KCTD16: variants seen among roughly 807,000 people sequenced by gnomAD.
KCTD16 encodes the protein BTB/POZ domain-containing protein KCTD16.
KCTD16 carries 13 observed loss-of-function variants against 33.2 expected under a neutral mutation model. The ratio of observed to expected loss-of-function variants is 0.39; its 90% CI spans 0.25 to 0.62. The LOEUF is 0.62. Ranked by LOEUF, KCTD16 falls within the 20% of genes least tolerant of loss-of-function variation. The pLI, the probability that KCTD16 is intolerant of heterozygous loss-of-function variation, is 0.50. For missense variants in KCTD16, 441 were observed against 525.1 expected (o/e 0.84, Z 1.57); for synonymous variants, 197 against 195.3 (o/e 1.01, Z -0.07).
At chr5:144,313,525 A>G (rs1045814206) in intron 3 of KCTD16, among the ~76,000 whole-genome samples, 3 of 152,188 alleles carry the variant, frequency 2.0e-5, no homozygotes, top group African/African-American at 7.2e-5. Context: ...TAGAGTTTAG[A>G]AAGTGCAGCT....
chr5:144,313,551 CTG>C (rs764728677), intron 3 of KCTD16, among the ~76,000 whole-genome samples: 4 of 152,142 alleles, frequency 2.6e-5, no homozygotes, highest in Non-Finnish European at 5.9e-5. Context: ...TTTTTTAAAA[CTG>C]TGAGAACAGA....
chr5:144,467,031 A>G (rs1433379076), intron 3 of KCTD16, among the ~76,000 whole-genome samples: 2 of 126,004 alleles, frequency 1.6e-5, no homozygotes, highest in South Asian at 2.2e-4. Flanking sequence ...ATAACACTAT[A>G]TATTATATAT....
intron 3 of KCTD16, among the ~76,000 whole-genome samples, chr5:144,385,554 C>G (rs1234467047): frequency 1.3e-5 from 2 of 152,112 alleles, no homozygotes; most frequent in Non-Finnish European, 2.9e-5. Flanking sequence ...GCTTCATTGT[C>G]ACTCCATTAC....
intron 3 of KCTD16, among the ~76,000 whole-genome samples, chr5:144,305,047 C>T (rs1422767441): frequency 7.3e-6 from 1 of 137,048 alleles, no homozygotes; most frequent in Non-Finnish European, 1.5e-5. Flanking sequence ...AGTCTCCTGG[C>T]TGCCTACTCT....
chr5:144,387,138 AT>A (rs377558036), intron 3 of KCTD16, among the ~76,000 whole-genome samples: 5,211 of 116,050 alleles, frequency 0.045, 248 homozygotes, highest in African/African-American at 0.16. Context: ...GGCTAATTTA[AT>A]TTTTTTTTTT....
chr5:144,245,522 T>C, intron 3 of KCTD16, among the ~76,000 whole-genome samples: 1 of 151,994 alleles, frequency 6.6e-6, no homozygotes, highest in East Asian at 1.9e-4. Flanking sequence ...GGGTCCAGAA[T>C]GGGAGGAAAG....
chr5:144,299,063 TA>T lies in KCTD16; in HGVS notation c.832+91518del, dbSNP rs1561558176. Among the ~76,000 whole-genome samples, 21 of 90,526 alleles carry T rather than the reference TA, an allele frequency of 2.3e-4. 1 individual carries two copies. Among genetic ancestry groups the T allele is most frequent in the African/African-American group, 9.2e-4 (19 of 20,628 alleles). 59.4% of individuals were successfully genotyped at this position (90,526 alleles called of 152,430 possible). A position where few individuals can be genotyped will look rare whatever the true frequency, so the allele number is the denominator to read the frequency against. On this transcript the variant is annotated intron_variant, in intron 3 of 3. Coordinates refer to ENST00000512467, the MANE Select transcript of KCTD16 (RefSeq NM_020768.4). The stretch of plus-strand genomic sequence containing the variant: ...AGATCACTATATATATATATATATA[TA>T]TATATATATTTTTGTATATATATAT...
chr5:144,191,332 G>A (rs1351718813), intron 2 of KCTD16, among the ~76,000 whole-genome samples: 1 of 152,130 alleles, frequency 6.6e-6, no homozygotes, highest in Non-Finnish European at 1.5e-5. Context: ...TGACTACTTA[G>A]TGTTTACAGA....
chr5:144,287,525 G>C (rs1238209197), intron 3 of KCTD16, among the ~76,000 whole-genome samples: 1 of 152,184 alleles, frequency 6.6e-6, no homozygotes, highest in Non-Finnish European at 1.5e-5. Flanking sequence ...TGGCTGATAA[G>C]TGAGAGTCAA....
At chr5:144,330,722 T>A (rs1378815383) in intron 3 of KCTD16, among the ~76,000 whole-genome samples, 4 of 152,194 alleles carry the variant, frequency 2.6e-5, no homozygotes, top group African/African-American at 9.6e-5. Flanking sequence ...GTATAGGTTA[T>A]CTTATTATCC....
intron 3 of KCTD16, among the ~76,000 whole-genome samples, chr5:144,313,380 T>C (rs1453928425): frequency 6.6e-6 from 1 of 152,198 alleles, no homozygotes; most frequent in African/African-American, 2.4e-5. Flanking sequence ...CAGCACTTTA[T>C]AGATGAGCAC....
intron 3 of KCTD16, among the ~76,000 whole-genome samples, chr5:144,362,785 C>A (rs898385058): frequency 2.6e-5 from 4 of 152,058 alleles, no homozygotes; most frequent in African/African-American, 9.7e-5. Flanking sequence ...AAACCCAAGC[C>A]CTGCCACTGG....
intron 3 of KCTD16, among the ~76,000 whole-genome samples, chr5:144,464,708 C>A (rs79167250): frequency 6.6e-6 from 1 of 150,640 alleles, no homozygotes; most frequent in Non-Finnish European, 1.5e-5. Context: ...CTTCCTCCTC[C>A]TCTTCTTCTT....
intron 3 of KCTD16, among the ~76,000 whole-genome samples, chr5:144,457,185 T>A (rs1754085934): frequency 6.6e-6 from 1 of 152,252 alleles, no homozygotes; most frequent in Admixed American, 6.5e-5. Context: ...CTCCAATGAC[T>A]CGGGCCAGGT....
chr5:144,344,343 G>C (rs1752726116), intron 3 of KCTD16, among the ~76,000 whole-genome samples: 1 of 144,876 alleles, frequency 6.9e-6, no homozygotes, highest in Admixed American at 6.9e-5. Flanking sequence ...GGCAACAAAA[G>C]CCAAAATTGA....
intron 3 of KCTD16, among the ~76,000 whole-genome samples, chr5:144,254,527 A>G (rs1049715188): frequency 1.3e-5 from 2 of 152,206 alleles, no homozygotes; most frequent in African/African-American, 4.8e-5. Context: ...AATGCTAAAA[A>G]TACTTAACAT....
At chr5:144,251,284 A>G (rs1034663998) in intron 3 of KCTD16, among the ~76,000 whole-genome samples, 1 of 152,186 alleles carries the variant, frequency 6.6e-6, no homozygotes, top group Non-Finnish European at 1.5e-5. Flanking sequence ...TTCTGGAGGC[A>G]AAGTACCTGG....
chr5:144,429,517 C>G (rs185590700), intron 3 of KCTD16, among the ~76,000 whole-genome samples: 5 of 152,182 alleles, frequency 3.3e-5, no homozygotes, highest in Admixed American at 2.6e-4. Flanking sequence ...GGGAAGAACT[C>G]TGGACCAGGT....
intron 2 of KCTD16, among the ~76,000 whole-genome samples, chr5:144,200,977 C>T (rs1388007493): frequency 6.6e-6 from 1 of 152,200 alleles, no homozygotes; most frequent in Non-Finnish European, 1.5e-5. Context: ...AACTCTTGGC[C>T]TTAAGCAATC....
Sources: gnomAD v4.1 joint callset for allele counts (sites outside exome capture counted in the v4.1 genomes callset) on GRCh38, gnomAD v4.1.1 for gene constraint, MANE v1.5 for transcripts, NCBI Gene and HGNC (gene_info 2026-07-23, HGNC 2026-07-21) for gene names.